CELF2: variants seen among roughly 807,000 people sequenced by gnomAD.
CELF2 encodes the protein CUG triplet repeat RNA-binding protein 2.
A neutral mutation model predicts 62.6 loss-of-function variants in CELF2; 8 were observed. The ratio of observed to expected loss-of-function variants is 0.13; its 90% CI spans 0.07 to 0.23. CELF2 has a LOEUF of 0.23. Among genes scored for constraint, CELF2 ranks in the 10% least tolerant of loss-of-function variants. The pLI is 1.00. For missense variants in CELF2, 333 were observed against 671.0 expected, an observed-to-expected ratio of 0.50 and a Z score of 5.56; for synonymous variants, 258 against 250.0, an observed-to-expected ratio of 1.03 and a Z score of -0.30.
chr10:10,698,128 A>T, the CELF2 span, among the ~76,000 whole-genome samples: 5 of 152,218 alleles, frequency 3.3e-5, no homozygotes, highest in Non-Finnish European at 7.3e-5. Flanking sequence ...TGGTGTGATA[A>T]CATCAAGCCA....
intron 1 of CELF2, among the ~76,000 whole-genome samples, chr10:10,847,094 T>G (rs2059062760): frequency 6.6e-6 from 1 of 152,038 alleles, no homozygotes; most frequent in Non-Finnish European, 1.5e-5. Context: ...AACAGTAGCT[T>G]AATATTTTTA....
At chr10:10,858,362 AT>A (rs1237148156) in intron 1 of CELF2, among the ~76,000 whole-genome samples, 1 of 152,140 alleles carries the variant, frequency 6.6e-6, no homozygotes, top group Non-Finnish European at 1.5e-5. Flanking sequence ...GCTACTTTTC[AT>A]AACTGCTTGT....
rs574046542 is a variant in CELF2, at chr10:11,151,736, T to C, written c.75-13750T>C. ...ACTTGAGTCCCTGGATGTTTACATC[T>C]TATGGTGAATTGAGTCAAGAAAAAA... On this transcript the variant is annotated intron_variant, in intron 1 of 12. Transcript: ENST00000633077. Among the ~76,000 whole-genome samples the C allele has an allele frequency of 2.6e-5, 4 of 152,284 alleles. No individual in the cohort carries two copies. In the East Asian group the frequency reaches 7.7e-4, roughly 29 times the overall value.
intron 1 of CELF2, among the ~76,000 whole-genome samples, chr10:10,822,456 G>T (rs2057045245): frequency 6.6e-6 from 1 of 152,204 alleles, no homozygotes; most frequent in Admixed American, 6.5e-5. Flanking sequence ...GTGTTTATAA[G>T]TTGGCAAAGC....
At chr10:10,979,070 C>G (rs1211680267) in intron 2 of CELF2, among the ~76,000 whole-genome samples, 1 of 152,184 alleles carries the variant, frequency 6.6e-6, no homozygotes, top group South Asian at 2.1e-4. Context: ...AATTCCACCC[C>G]TGCCTCTCAT....
At chr10:10,469,370 TC>T in the CELF2 span, among the ~76,000 whole-genome samples, 3 of 151,928 alleles carry the variant, frequency 2.0e-5, no homozygotes, top group African/African-American at 7.2e-5. Flanking sequence ...AAAGTGAACA[TC>T]CTTGACATGT....
intron 1 of CELF2, among the ~76,000 whole-genome samples, chr10:11,118,759 T>A (rs1313963153): frequency 6.6e-6 from 1 of 152,064 alleles, no homozygotes; most frequent in Non-Finnish European, 1.5e-5. Flanking sequence ...GATGAGAAAA[T>A]CAAAAGCCTG....
chr10:10,645,437 G>A, the CELF2 span, among the ~76,000 whole-genome samples: 1 of 152,262 alleles, frequency 6.6e-6, no homozygotes, highest in South Asian at 2.1e-4. Flanking sequence ...AAGATCACCT[G>A]AGCCTAGGAG....
the CELF2 span, among the ~76,000 whole-genome samples, chr10:10,758,391 C>T: frequency 6.6e-6 from 1 of 152,214 alleles, no homozygotes; most frequent in African/African-American, 2.4e-5. Flanking sequence ...AGCACTACGA[C>T]TCTTTGGCAG....
chr10:10,831,970 T>C (rs1049933784), intron 1 of CELF2, among the ~76,000 whole-genome samples: 2 of 148,532 alleles, frequency 1.3e-5, no homozygotes, highest in Admixed American at 1.3e-4. Context: ...AGACTCCATC[T>C]TGAAAAAATA....
chr10:11,030,746 T>A (rs1318147496), intron 1 of CELF2: 1 of 152,268 alleles, frequency 6.6e-6, no homozygotes, highest in Admixed American at 6.5e-5. Flanking sequence ...AAATACAGGT[T>A]CTTAGCTATG....
chr10:11,077,405 A>C (rs2072355992), intron 1 of CELF2, among the ~76,000 whole-genome samples: 1 of 152,218 alleles, frequency 6.6e-6, no homozygotes, highest in Non-Finnish European at 1.5e-5. Context: ...AGTTCTGATG[A>C]GTCCAGTACT....
chr10:11,045,627 T>G (rs754869728), intron 1 of CELF2, among the ~76,000 whole-genome samples: 1 of 152,176 alleles, frequency 6.6e-6, no homozygotes, highest in Admixed American at 6.5e-5. Flanking sequence ...AAATATTCTT[T>G]GGCAAAGGGA....
intron 1 of CELF2, among the ~76,000 whole-genome samples, chr10:10,890,672 A>T (rs558419756): frequency 6.6e-6 from 1 of 152,188 alleles, no homozygotes; most frequent in Non-Finnish European, 1.5e-5. Flanking sequence ...CCATGCGCAA[A>T]GTGTTTCTTC....
rs1261509893 is a variant in CELF2, at chr10:11,011,275, G to A, written c.53+5835G>A. ...AACATACATGCAGTGCTCAATGAAA[G>A]ACATAGTCTGGGGCCTCAAGCAACT... On this transcript the variant is annotated intron_variant, in intron 1 of 12. Transcript: ENST00000416382. The surrounding 1 kb of genome is among the most constrained non-coding windows in gnomAD (Gnocchi z 4.6). Among the ~76,000 whole-genome samples, 4 of 151,934 alleles carry A rather than the reference G, an allele frequency of 2.6e-5. No homozygotes were observed. The highest frequency in any genetic ancestry group is 2.6e-4 in the Admixed American group (4 of 15,248).
At chr10:10,783,223 T>C in the CELF2 span, among the ~76,000 whole-genome samples, 1 of 152,136 alleles carries the variant, frequency 6.6e-6, no homozygotes, top group African/African-American at 2.4e-5. Context: ...TGACCTTACT[T>C]GAAATAAAGT....
Position 11,178,765 on chromosome 10 carries a change from T to A in CELF2, c.271+13083T>A, listed in dbSNP as rs2072179833. 6.6e-6 allele frequency among the ~76,000 whole-genome samples: 1 copy of A among 152,064 alleles called. No individual in the cohort carries two copies. The highest frequency in any genetic ancestry group is 1.5e-5 in the Non-Finnish European group (1 of 67,990). On this transcript the variant is annotated intron_variant, in intron 2 of 12. Transcript: ENST00000633077. This position sits in a 1 kb window ranked among gnomAD's most constrained non-coding sequence, Gnocchi z 4.3. The stretch of plus-strand genomic sequence containing the variant: ...GGCTAGAATGCTCAGGAGATAAGAG[T>A]GGGGCCTATCGCTCTGTGGCTTTCT...
At chr10:10,651,142 C>T in the CELF2 span, among the ~76,000 whole-genome samples, 1 of 132,824 alleles carries the variant, frequency 7.5e-6, no homozygotes, top group Non-Finnish European at 1.7e-5. Context: ...CACTCCCACC[C>T]GAATTTTGCG....
At chr10:11,277,841 G>C (rs188127288) in intron 8 of CELF2, among the ~76,000 whole-genome samples, 53 of 152,294 alleles carry the variant, frequency 3.5e-4, no homozygotes, top group African/African-American at 1.2e-3. Flanking sequence ...GATTGATACT[G>C]TGTCCTACGT....
Sources: gnomAD v4.1 joint callset for allele counts (sites outside exome capture counted in the v4.1 genomes callset) on GRCh38, gnomAD v4.1.1 for gene constraint, Gnocchi (gnomAD v3.1) non-coding constraint, MANE v1.5 for transcripts, NCBI Gene and HGNC (gene_info 2026-07-23, HGNC 2026-07-21) for gene names.